Variants in SUGT1 observed in about 807,000 individuals in gnomAD.
The protein encoded by SUGT1 is SGT1 assembly cochaperone of MIS12 kinetochore complex.
Under a neutral mutation model 56.1 loss-of-function variants are expected in SUGT1, and 15 were observed. The observed-to-expected ratio is 0.27, with a 90% CI of 0.18 to 0.41. The LOEUF (loss-of-function observed/expected upper bound fraction) is 0.41, where lower values mean the gene tolerates loss of function less well. Among genes scored for constraint, SUGT1 ranks in the 10% least tolerant of loss-of-function variants. SUGT1 has a pLI of 1.00. For missense variants in SUGT1, 347 were observed against 382.2 expected (o/e 0.91, Z 0.77); for synonymous variants, 123 against 128.6 (o/e 0.96, Z 0.30).
intron 2 of SUGT1, among the ~76,000 whole-genome samples, chr13:52,655,650 G>C (rs1252404178): frequency 6.6e-6 from 1 of 152,148 alleles, no homozygotes; most frequent in African/African-American, 2.4e-5. Context: ...TTTCTGGCTG[G>C]GGGAATGTTG....
In SUGT1 at chr13:52,697,444, A is replaced by T. The variant is rs1963971172; in HGVS notation, c.*9609A>T. The T allele has an allele frequency of 1.3e-5, 2 of 152,224 alleles. No individual in the cohort carries two copies. The highest frequency in any genetic ancestry group is 1.3e-4 in the Admixed American group (2 of 15,286). 9.4% of individuals were successfully genotyped at this position (152,224 alleles called of 1,614,324 possible). A position where few individuals can be genotyped will look rare whatever the true frequency, so the allele number is the denominator to read the frequency against. ...CAGGAGAGGCCAGATCTTAAAAGCC[A>T]GGAGTGGAATTAGGTTTGAGCATAT... On this transcript the variant is annotated 3_prime_UTR_variant, in exon 13 of 13. Transcript: ENST00000310528.
chr13:52,659,814 A>ATATATT (rs1555271105), intron 5 of SUGT1, among the ~76,000 whole-genome samples: 5 of 58,724 alleles, frequency 8.5e-5, no homozygotes, highest in African/African-American at 3.7e-4. Flanking sequence ...ATATATATAT[A>ATATATT]TTTTTTTTTT....
rs887729309 is a variant in SUGT1 at position 52,696,379 on chromosome 13, T to G, written c.*8544T>G. 6.6e-6 allele frequency: 1 copy of G among 152,244 alleles called. No homozygotes were observed. Among genetic ancestry groups the G allele is most frequent in the African/African-American group, 2.4e-5 (1 of 41,466 alleles). The allele number at this position is 152,244 out of a possible 1,614,324, so 9.4% of individuals were successfully genotyped here. Reference sequence around the variant, plus strand: ...AGTGCCTTGTTTATGCCTCTATTTATGACACCTTCATGGTGTCACATGTTA... The same window carrying G: ...AGTGCCTTGTTTATGCCTCTATTTAGGACACCTTCATGGTGTCACATGTTA... On this transcript the variant is annotated 3_prime_UTR_variant, in exon 13 of 13. Transcript: ENST00000310528.
At chr13:52,663,567 C>G (rs1962555552) in intron 7 of SUGT1, among the ~76,000 whole-genome samples, 1 of 152,174 alleles carries the variant, frequency 6.6e-6, no homozygotes, top group African/African-American at 2.4e-5. Context: ...CTCCTGGGCT[C>G]AAGCAATCTT....
intron 12 of SUGT1, among the ~76,000 whole-genome samples, chr13:52,686,618 G>A (rs372587625): frequency 4.1e-4 from 62 of 152,244 alleles, no homozygotes; most frequent in African/African-American, 1.4e-3. Flanking sequence ...AGAGCGTGTC[G>A]GACATGGGGT....
intron 10 of SUGT1, among the ~76,000 whole-genome samples, chr13:52,670,570 G>A (rs1396659585): frequency 1.3e-5 from 2 of 152,164 alleles, no homozygotes; most frequent in Non-Finnish European, 2.9e-5. Flanking sequence ...ACTTTGGTAG[G>A]CCAAGGCGGT....
At chr13:52,670,605 G>C (rs558639524) in intron 10 of SUGT1, among the ~76,000 whole-genome samples, 1 of 152,134 alleles carries the variant, frequency 6.6e-6, no homozygotes, top group Non-Finnish European at 1.5e-5. Flanking sequence ...TCAAGAGTTC[G>C]AGAACAGCCT....
At position 52,652,845 on chromosome 13, in the gene SUGT1, T is replaced by G. The variant is rs1484838663; in HGVS notation, c.-76T>G. The G allele has an allele frequency of 1.9e-6, 3 of 1,566,992 alleles. No homozygotes were observed. The highest frequency in any genetic ancestry group is 1.7e-6 in the Non-Finnish European group (2 of 1,154,498). ...AGCTCGGTTGGTGTTTCTCCAGAAGTTTCCCCCTTGGGCGGTGGTGGAGGT... is the reference window on the plus strand; with the variant it reads ...AGCTCGGTTGGTGTTTCTCCAGAAGGTTCCCCCTTGGGCGGTGGTGGAGGT... On this transcript the variant is annotated 5_prime_UTR_variant, in exon 1 of 13. Transcript: ENST00000310528.
intron 10 of SUGT1, among the ~76,000 whole-genome samples, chr13:52,672,824 T>C (rs1366294359): frequency 3.3e-5 from 5 of 152,208 alleles, no homozygotes; most frequent in African/African-American, 1.2e-4. Flanking sequence ...AAATCTGAAA[T>C]TTCTTTCATT....
intron 2 of SUGT1, among the ~76,000 whole-genome samples, chr13:52,653,558 A>G (rs988761681): frequency 1.3e-5 from 2 of 152,208 alleles, no homozygotes; most frequent in African/African-American, 4.8e-5. Context: ...CAGATGTCTT[A>G]TCACAATTCA....
At chr13:52,661,786 G>A (rs1171856274) in intron 5 of SUGT1, among the ~76,000 whole-genome samples, 1 of 152,152 alleles carries the variant, frequency 6.6e-6, no homozygotes, top group Non-Finnish European at 1.5e-5. Flanking sequence ...TACAGTGTGT[G>A]TGAGAGTGTA....
At chr13:52,662,463 G>A (rs2138120623) in intron 5 of SUGT1, among the ~76,000 whole-genome samples, 186 bp from the exon 6 acceptor site, 1 of 152,290 alleles carries the variant, frequency 6.6e-6, no homozygotes, top group Admixed American at 6.5e-5. Context: ...ACAACTAAAT[G>A]TTAAACTATT....
At chr13:52,654,005 T>G (rs1225757467) in intron 2 of SUGT1, among the ~76,000 whole-genome samples, 1 of 152,200 alleles carries the variant, frequency 6.6e-6, no homozygotes, top group East Asian at 1.9e-4. Context: ...ACTTGGAAGC[T>G]CTGGGGAAAG....
At chr13:52,658,175 G>A (rs1473525874) in intron 3 of SUGT1, 1 of 1,472,942 alleles carries the variant, frequency 6.8e-7, no homozygotes, top group Non-Finnish European at 9.0e-7. Context: ...TGACACAGCT[G>A]TATTCATTGA....
rs1269823642 is a variant in SUGT1, at chr13:52,676,285, AAGG to A, written c.686_688del (p.Gly229del). 4 of 1,613,192 alleles carry A rather than the reference AAGG, an allele frequency of 2.5e-6. No homozygotes were observed. The highest frequency in any genetic ancestry group is 1.3e-5 in the African/African-American group (1 of 74,886). On this transcript the variant is annotated inframe_deletion, in exon 11 of 13. Coordinates refer to ENST00000310528, the MANE Select transcript of SUGT1 (RefSeq NM_006704.5). ...GTGAGATGGGAAAAGCTAGAGGGGCAAGGAGATGTGCCTACGCCAAAACAATTC... is the reference window on the plus strand; with the variant it reads ...GTGAGATGGGAAAAGCTAGAGGGGCAAGATGTGCCTACGCCAAAACAATTC...
intron 2 of SUGT1, among the ~76,000 whole-genome samples, chr13:52,655,229 G>C (rs1358550813): frequency 6.6e-6 from 1 of 152,148 alleles, no homozygotes; most frequent in Non-Finnish European, 1.5e-5. Flanking sequence ...GCCGTAATCA[G>C]CTACCTGCGA....
chr13:52,654,325 T>G (rs1436728), intron 2 of SUGT1, among the ~76,000 whole-genome samples: 145,716 of 152,308 alleles, frequency 0.96, 69,725 homozygotes, highest in East Asian at 0.99. Flanking sequence ...ACTTTTAATT[T>G]ACATTTGTTA....
intron 5 of SUGT1, chr13:52,661,591 C>T: frequency 2.4e-6 from 1 of 414,860 alleles, no homozygotes; most frequent in Non-Finnish European, 4.8e-6. Context: ...CCATGCCCGG[C>T]CAAAATCTGG....
intron 12 of SUGT1, among the ~76,000 whole-genome samples, chr13:52,680,403 G>A (rs1963324945): frequency 6.6e-6 from 1 of 152,198 alleles, no homozygotes; most frequent in South Asian, 2.1e-4. Context: ...TTGATATGGA[G>A]TCATCTCACT....
Sources: allele counts gnomAD v4.1 joint callset (sites outside exome capture counted in the v4.1 genomes callset), GRCh38; gene constraint gnomAD v4.1.1; transcripts MANE v1.5; gene names NCBI Gene and HGNC (gene_info 2026-07-23, HGNC 2026-07-21).